The following ARPP21 variants were observed in gnomAD, a reference collection of about 807,000 sequenced individuals.
ARPP21 encodes the protein cAMP-regulated phosphoprotein 21.
ARPP21 carries 69 observed loss-of-function variants against 113.2 expected under a neutral mutation model. The observed-to-expected ratio is 0.61, with a 90% CI of 0.50 to 0.74. The LOEUF (loss-of-function observed/expected upper bound fraction) is 0.74. Among genes scored for constraint, ARPP21 ranks in the 30% least tolerant of loss-of-function variants. The probability of loss-of-function intolerance (pLI) is 0.00; values close to 1 mark genes in which losing one functional copy is unlikely to be tolerated. For synonymous variants in ARPP21, 368 were observed against 375.5 expected, an observed-to-expected ratio of 0.98 and a Z score of 0.23; for missense variants, 1,070 against 1,037.4, an observed-to-expected ratio of 1.03 and a Z score of -0.43.
chr3:35,741,216 C>T (rs1172683407), intron 18 of ARPP21, among the ~76,000 whole-genome samples: 1 of 152,186 alleles, frequency 6.6e-6, no homozygotes, highest in African/African-American at 2.4e-5. Context: ...TTCATAACCC[C>T]TCTTGTGTCT....
chr3:35,649,463 T>C (rs1701541006), intron 1 of ARPP21, among the ~76,000 whole-genome samples: 1 of 152,170 alleles, frequency 6.6e-6, no homozygotes, highest in African/African-American at 2.4e-5. Context: ...TCAGTTAATA[T>C]GGTCTTGGAA....
intron 19 of ARPP21, among the ~76,000 whole-genome samples, chr3:35,791,866 A>C (rs754796122): frequency 2.3e-4 from 35 of 152,304 alleles, no homozygotes; most frequent in Admixed American, 5.9e-4. Context: ...GTAGCAAGTC[A>C]TTTGGTTCAC....
At chr3:35,771,333 G>T (rs1293295175) in intron 19 of ARPP21, among the ~76,000 whole-genome samples, 2 of 143,236 alleles carry the variant, frequency 1.4e-5, no homozygotes, top group African/African-American at 2.6e-5. Context: ...GGTAATGATT[G>T]TTTTTTTTTT....
chr3:35,784,425 T>C lies in ARPP21; in HGVS notation c.2138-7957T>C, dbSNP rs1159890968. On this transcript the variant is annotated intron_variant, in intron 19 of 20. Coordinates refer to ENST00000684406, the MANE Select transcript of ARPP21 (RefSeq NM_001385562.1). ...AAACACCACAAATCAGCGCTTTTGTTTTTCAGAGAGACAGTTTTCCAGCAG... is the reference window on the plus strand; with the variant it reads ...AAACACCACAAATCAGCGCTTTTGTCTTTCAGAGAGACAGTTTTCCAGCAG... 3.9e-5 allele frequency among the ~76,000 whole-genome samples: 6 copies of C among 152,282 alleles called. No individual in the cohort carries two copies. The South Asian group carries it at 8.3e-4, about 21-fold the overall frequency.
intron 19 of ARPP21, among the ~76,000 whole-genome samples, chr3:35,768,288 T>C (rs886829941): frequency 6.6e-6 from 1 of 152,086 alleles, no homozygotes; most frequent in Non-Finnish European, 1.5e-5. Flanking sequence ...TTTTAATCCA[T>C]GGAAGGAAAG....
chr3:35,682,853 G>T lies in ARPP21; in HGVS notation c.135G>T (p.Arg45=), dbSNP rs377015758. 12 of 1,607,872 alleles carry T rather than the reference G, an allele frequency of 7.5e-6. No homozygotes were observed. The highest frequency in any genetic ancestry group is 3.4e-5 in the Admixed American group (2 of 59,334). The stretch of plus-strand genomic sequence containing the variant: ...ATTTTCTTTCCAACATACAGAGGCG[G>T]CTGGAGGCTCAGAATCAAGAAAGAA... ...DEEEKLELQR[R]LEAQNQERRK... Residue 45 remains arginine (R), a synonymous_variant, in exon 4 of 21, where the codon CGG becomes CGT. Transcript: ENST00000684406.
At chr3:35,788,521 G>C (rs1232491299) in intron 19 of ARPP21, among the ~76,000 whole-genome samples, 1 of 152,112 alleles carries the variant, frequency 6.6e-6, no homozygotes, top group Non-Finnish European at 1.5e-5. Context: ...AATGTGCTTG[G>C]TATAGAAATT....
chr3:35,775,499 A>G (rs2096334728), intron 19 of ARPP21, among the ~76,000 whole-genome samples: 1 of 152,184 alleles, frequency 6.6e-6, no homozygotes, highest in South Asian at 2.1e-4. Flanking sequence ...TAGTTACTGT[A>G]CAATTTACCA....
chr3:35,786,526 CAA>C (rs746207971), intron 19 of ARPP21, among the ~76,000 whole-genome samples: 15 of 87,662 alleles, frequency 1.7e-4, no homozygotes, highest in Non-Finnish European at 1.2e-4. Context: ...GATTTCATCT[CAA>C]AAAAAAAAAA....
chr3:35,781,556 A>ATTGTTG (rs2096528245), intron 19 of ARPP21: 1 of 152,194 alleles, frequency 6.6e-6, no homozygotes, highest in South Asian at 2.1e-4. Context: ...CAGACTTCTT[A>ATTGTTG]TTGTTGTCTC....
intron 1 of ARPP21, among the ~76,000 whole-genome samples, chr3:35,674,551 T>G (rs1325855128): frequency 6.6e-6 from 1 of 151,904 alleles, no homozygotes; most frequent in African/African-American, 2.4e-5. Context: ...AAAACCTGGG[T>G]ATACTTTATC....
chr3:35,652,254 A>T (rs1702700770), intron 1 of ARPP21, among the ~76,000 whole-genome samples: 1 of 152,106 alleles, frequency 6.6e-6, no homozygotes, highest in Non-Finnish European at 1.5e-5. Context: ...TCCTTCCAGG[A>T]GCAATTTGGG....
At position 35,682,766 on chromosome 3, in the gene ARPP21, C is replaced by T. The variant is rs2079325846; in HGVS notation, c.130-82C>T. 8.5e-6 allele frequency: 9 copies of T among 1,053,596 alleles called. 1 individual carries two copies. Among genetic ancestry groups the T allele is most frequent in the Middle Eastern group, 3.0e-4 (1 of 3,280 alleles). The allele number at this position is 1,053,596 out of a possible 1,614,324, so 65.3% of individuals were successfully genotyped here. A position where few individuals can be genotyped will look rare whatever the true frequency, so the allele number is the denominator to read the frequency against. ...TAGTGACATTTTTCTCTCTTTCTTT[C>T]TCTCTCTCTCTCGGTTGTTGATTTA... On this transcript the variant is annotated intron_variant, in intron 3 of 20. Coordinates refer to ENST00000684406, the MANE Select transcript of ARPP21 (RefSeq NM_001385562.1).
intron 1 of ARPP21, among the ~76,000 whole-genome samples, chr3:35,656,151 CAG>C (rs1205256451): frequency 2.0e-5 from 3 of 151,930 alleles, no homozygotes; most frequent in Admixed American, 1.3e-4. Context: ...TTCCACTAGA[CAG>C]AGTTACGCAG....
intron 19 of ARPP21, among the ~76,000 whole-genome samples, chr3:35,763,738 C>G (rs2095859235): frequency 6.6e-6 from 1 of 152,166 alleles, no homozygotes; most frequent in Admixed American, 6.5e-5. Flanking sequence ...GGCCATCCTA[C>G]AGTACCAGTA....
intron 19 of ARPP21, among the ~76,000 whole-genome samples, chr3:35,789,758 A>T (rs2096710307): frequency 6.6e-6 from 1 of 152,178 alleles, no homozygotes. Flanking sequence ...GGATGGGGCC[A>T]CCCAACCTGC....
intron 17 of ARPP21, among the ~76,000 whole-genome samples, chr3:35,738,740 C>G (rs1576469871): frequency 6.6e-6 from 1 of 152,280 alleles, no homozygotes; most frequent in East Asian, 1.9e-4. Flanking sequence ...TTTCATTTTT[C>G]CCTCAAGTCA....
intron 13 of ARPP21, among the ~76,000 whole-genome samples, chr3:35,717,724 T>C (rs1474790197): frequency 6.6e-6 from 1 of 152,162 alleles, no homozygotes; most frequent in African/African-American, 2.4e-5. Flanking sequence ...AAATCAATGA[T>C]AGCCCTACTT....
intron 19 of ARPP21, among the ~76,000 whole-genome samples, chr3:35,748,856 T>A (rs1463715808): frequency 6.6e-6 from 1 of 152,230 alleles, no homozygotes; most frequent in Non-Finnish European, 1.5e-5. Context: ...GTTTAATCAC[T>A]ACCACAAGTT....
Sources: allele counts gnomAD v4.1 joint callset (sites outside exome capture counted in the v4.1 genomes callset), GRCh38; gene constraint gnomAD v4.1.1; transcripts MANE v1.5; gene names NCBI Gene and HGNC (gene_info 2026-07-23, HGNC 2026-07-21).